The following GRK4 variants were observed in gnomAD, a reference collection of about 807,000 sequenced individuals.
GRK4 encodes the protein G protein-coupled receptor kinase 4.
A neutral mutation model predicts 77.9 loss-of-function variants in GRK4; 73 were observed. The ratio of observed to expected loss-of-function variants is 0.94; its 90% CI spans 0.78 to 1.14. The LOEUF is 1.14. Among genes scored for constraint, GRK4 ranks in the 50% most tolerant of loss-of-function variants. The pLI is 0.00. For synonymous variants in GRK4, 257 were observed against 254.4 expected (o/e 1.01, Z -0.10); for missense variants, 729 against 700.2 (o/e 1.04, Z -0.46).
At chr4:3,024,526 A>T (rs1193886636) in intron 10 of GRK4, among the ~76,000 whole-genome samples, 1 of 152,166 alleles carries the variant, frequency 6.6e-6, no homozygotes, top group Non-Finnish European at 1.5e-5. Context: ...CCTCCTGAGT[A>T]GCTGGGAATA....
At chr4:3,030,071 C>T (rs1469183990) in intron 12 of GRK4, among the ~76,000 whole-genome samples, 2 of 152,170 alleles carry the variant, frequency 1.3e-5, no homozygotes, top group Admixed American at 6.5e-5. Context: ...ACCAATCTTT[C>T]ATGTATTTTG....
chr4:3,002,931 AC>A lies in GRK4; in HGVS notation c.340-1299del, dbSNP rs376337529. Among the ~76,000 whole-genome samples the A allele has an allele frequency of 6.4e-3, 969 of 152,352 alleles. 8 individuals carry two copies. The highest frequency in any genetic ancestry group is 0.022 in the African/African-American group (901 of 41,592). ...TTTTAATTTTAATTGTGATAAAAAA[AC>A]ACGTAACATGAAGGTTACCAACGTC... On this transcript the variant is annotated intron_variant, in intron 4 of 15. Transcript: ENST00000398052.
chr4:2,998,282 G>A lies in GRK4; in HGVS notation c.340-5949G>A, dbSNP rs374804665. Among the ~76,000 whole-genome samples the A allele has an allele frequency of 9.9e-5, 15 of 152,122 alleles. No homozygotes were observed. The East Asian group carries it at 2.5e-3, about 25-fold the overall frequency. On this transcript the variant is annotated intron_variant, in intron 4 of 15. Coordinates refer to ENST00000398052, the MANE Select transcript of GRK4 (RefSeq NM_182982.3). Reference sequence around the variant, plus strand: ...TGAGGCAGGAGAATTGCTTGAACCCGGGAGGAGGAGGTTGCAGTGAGCCAA... The same window carrying A: ...TGAGGCAGGAGAATTGCTTGAACCCAGGAGGAGGAGGTTGCAGTGAGCCAA...
Position 3,011,960 on chromosome 4 carries a change from C to A in GRK4, c.601-1728C>A, listed in dbSNP as rs1437613588. Among the ~76,000 whole-genome samples, 4 of 152,184 alleles carry A rather than the reference C, an allele frequency of 2.6e-5. No individual in the cohort carries two copies. In the East Asian group the frequency reaches 7.7e-4, roughly 29 times the overall value. ...ACGTGGGCAGACCCGAGGTCAGGGTCCTGTCGTATCACTTCCAGCAGCGTG... is the reference window on the plus strand; with the variant it reads ...ACGTGGGCAGACCCGAGGTCAGGGTACTGTCGTATCACTTCCAGCAGCGTG... On this transcript the variant is annotated intron_variant, in intron 7 of 15. Transcript: ENST00000398052.
intron 4 of GRK4, 89 bp downstream of exon 4, chr4:2,992,381 G>C: frequency 8.4e-6 from 7 of 836,854 alleles, no homozygotes; most frequent in Non-Finnish European, 1.4e-5. Flanking sequence ...CGTAACATAT[G>C]TTAAAAGCTT....
chr4:3,035,873 G>A (rs1740480609), intron 13 of GRK4, among the ~76,000 whole-genome samples: 1 of 152,020 alleles, frequency 6.6e-6, no homozygotes, highest in Non-Finnish European at 1.5e-5. Flanking sequence ...CCACTCACTG[G>A]GCCCCTCACA....
intron 13 of GRK4, among the ~76,000 whole-genome samples, chr4:3,036,129 C>G (rs949322079): frequency 1.3e-5 from 2 of 152,244 alleles, no homozygotes; most frequent in Non-Finnish European, 2.9e-5. Context: ...CCACCCGTGT[C>G]CCCTTTCTGG....
chr4:3,013,813 G>A lies in GRK4; in HGVS notation c.726G>A (p.Val242=). The change falls in exon 8 of 16, where the codon GTG becomes GTA. Residue 242 remains valine, a synonymous_variant. Transcript: ENST00000398052. ...ALNEKRILEK[V]QSRFVVSLAY... ...ATGAGAAAAGAATTCTGGAGAAAGT[G>A]CAAAGTAGATTCGTAGTAAGTGTCT... The A allele has an allele frequency of 6.2e-7, 1 of 1,609,588 alleles. No individual in the cohort carries two copies. Among genetic ancestry groups the A allele is most frequent in the Non-Finnish European group, 8.5e-7 (1 of 1,178,752 alleles).
chr4:3,021,241 T>C (rs1735989230), intron 9 of GRK4, among the ~76,000 whole-genome samples: 1 of 152,132 alleles, frequency 6.6e-6, no homozygotes, highest in Admixed American at 6.6e-5. Flanking sequence ...TTGCACAAGG[T>C]GTTCCTGTGT....
chr4:3,035,507 C>T lies in GRK4; in HGVS notation c.1391C>T (p.Pro464Leu), dbSNP rs780190392. Residue 464 changes from proline to leucine, a missense_variant, in exon 13 of 16, where the codon CCC (proline) becomes CTC (leucine). By Grantham distance (98) the Pro-to-Leu change is moderately conservative. Coordinates refer to ENST00000398052, the MANE Select transcript of GRK4 (RefSeq NM_182982.3). ...FRRLEANMLE[P>L]PFCPDPHAVY... Reference sequence around the variant, plus strand: ...AGGCTGGAGGCAAACATGCTGGAGCCCCCTTTCTGTCCTGATGTAAGTGCA... The same window carrying T: ...AGGCTGGAGGCAAACATGCTGGAGCTCCCTTTCTGTCCTGATGTAAGTGCA... 1.2e-6 allele frequency: 2 copies of T among 1,613,770 alleles called. No homozygotes were observed. The highest frequency in any genetic ancestry group is 1.7e-6 in the Non-Finnish European group (2 of 1,179,874).
chr4:2,985,400 C>CAA (rs34597270), intron 2 of GRK4, among the ~76,000 whole-genome samples: 2 of 119,234 alleles, frequency 1.7e-5, no homozygotes, highest in Admixed American at 8.9e-5. Context: ...GACTCTGTCT[C>CAA]AAAAAAAAAA....
Position 2,963,864 on chromosome 4 carries a change from C to T in GRK4, c.-207C>T, listed in dbSNP as rs1212599275. On this transcript the variant is annotated 5_prime_UTR_variant, in exon 1 of 16. Coordinates refer to ENST00000398052, the MANE Select transcript of GRK4 (RefSeq NM_182982.3). ...CCCCTCCCCTCGCCCCGACCGCTCC[C>T]CTGCTGGTGAGGGCCTGCGGAGGCG... 3 of 603,466 alleles carry T rather than the reference C, an allele frequency of 5.0e-6. No homozygotes were observed. Among genetic ancestry groups the T allele is most frequent in the East Asian group, 6.0e-5 (2 of 33,208 alleles). 37.4% of individuals were successfully genotyped at this position (603,466 alleles called of 1,614,324 possible). A position where few individuals can be genotyped will look rare whatever the true frequency, so the allele number is the denominator to read the frequency against.
rs377547812 is a variant in GRK4 at position 3,029,393 on chromosome 4, A to C, written c.1253A>C (p.Lys418Thr). 37 of 1,613,516 alleles carry C rather than the reference A, an allele frequency of 2.3e-5. No individual in the cohort carries two copies. The highest frequency in any genetic ancestry group is 2.9e-5 in the Non-Finnish European group (34 of 1,179,588). The change falls in exon 12 of 16, where the codon AAA becomes ACA. Residue 418 changes from lysine (K) to threonine (T), a missense_variant. By Grantham distance (78) the Lys-to-Thr change is moderately conservative (BLOSUM62 -1). Transcript: ENST00000398052. Reference sequence around the variant, plus strand: ...TCTGAGAAGTTTTCAGAGGATGCCAAATCTATCTGCAGGATGGTAAGTCAG... The same window carrying C: ...TCTGAGAAGTTTTCAGAGGATGCCACATCTATCTGCAGGATGGTAAGTCAG... ...EYSEKFSEDA[K>T]SICRMLLTKN...
At chr4:3,027,363 T>C (rs536927762) in intron 10 of GRK4, among the ~76,000 whole-genome samples, 117 of 152,364 alleles carry the variant, frequency 7.7e-4, no homozygotes, top group African/African-American at 2.6e-3. Context: ...GTTAGTTCCA[T>C]AGGAATTCAA....
chr4:3,009,833 G>A, intron 7 of GRK4, 122 bp downstream of exon 7: 2 of 606,388 alleles, frequency 3.3e-6, no homozygotes, highest in South Asian at 2.8e-5. Flanking sequence ...TGGGTGTTTT[G>A]GGAATAATCT....
At chr4:3,018,257 C>T (rs532244702) in intron 8 of GRK4, among the ~76,000 whole-genome samples, 144 of 152,174 alleles carry the variant, frequency 9.5e-4, no homozygotes, top group Admixed American at 3.0e-3. Context: ...GAGACATTCC[C>T]AGATTTTTAG....
At chr4:3,014,813 G>A (rs1733988164) in intron 8 of GRK4, among the ~76,000 whole-genome samples, 1 of 151,944 alleles carries the variant, frequency 6.6e-6, no homozygotes, top group East Asian at 1.9e-4. Context: ...AAGAGAGAGA[G>A]ATGAGATCTC....
intron 3 of GRK4, among the ~76,000 whole-genome samples, chr4:2,991,264 C>T (rs1393681686): frequency 6.6e-6 from 1 of 152,170 alleles, no homozygotes; most frequent in African/African-American, 2.4e-5. Flanking sequence ...TTCTTAACAC[C>T]TTCCAACTGA....
chr4:3,003,161 A>C (rs1052293151), intron 4 of GRK4, among the ~76,000 whole-genome samples: 2 of 152,182 alleles, frequency 1.3e-5, no homozygotes, highest in African/African-American at 4.8e-5. Context: ...TATAAGTGGA[A>C]TCATACAGGA....
Sources: gnomAD v4.1 joint callset for allele counts (sites outside exome capture counted in the v4.1 genomes callset) on GRCh38, gnomAD v4.1.1 for gene constraint, MANE v1.5 for transcripts, NCBI Gene and HGNC (gene_info 2026-07-23, HGNC 2026-07-21) for gene names.